Variants in LRPPRC observed in about 807,000 individuals in gnomAD.
The protein encoded by LRPPRC is leucine-rich PPR motif-containing protein, mitochondrial.
LRPPRC carries 120 observed loss-of-function variants against 180.3 expected under a neutral mutation model. The ratio of observed to expected loss-of-function variants is 0.67; its 90% confidence interval spans 0.57 to 0.77. The LOEUF is 0.77. Ranked by LOEUF, LRPPRC falls within the 30% of genes least tolerant of loss-of-function variation. LRPPRC has a pLI of 0.00. For missense variants in LRPPRC, 2,012 were observed against 1,657.2 expected, an observed-to-expected ratio of 1.21 and a Z score of -3.72; for synonymous variants, 723 against 600.0, an observed-to-expected ratio of 1.21 and a Z score of -3.00.
At position 43,899,345 on chromosome 2, in the gene LRPPRC, G is replaced by C. The variant is rs376514137; in HGVS notation, c.3710-11C>G. 5.0e-6 allele frequency: 8 copies of C among 1,610,082 alleles called. No homozygotes were observed. Among genetic ancestry groups the C allele is most frequent in the African/African-American group, 1.3e-5 (1 of 74,846 alleles). ...CCGCCATGATGCTTACTGGAAAAAT[G>C]ACAGGTAAGAAAAATCTTTCATTAG... On this transcript the variant is annotated splice_polypyrimidine_tract_variant and intron_variant, in intron 33 of 37. Transcript: ENST00000260665.
rs1248173863 is a variant in LRPPRC at position 43,889,738 on chromosome 2, G to C, written c.4124C>G (p.Pro1375Arg). The C allele has an allele frequency of 1.9e-6, 3 of 1,611,206 alleles. No individual in the cohort carries two copies. Among genetic ancestry groups the C allele is most frequent in the East Asian group, 2.2e-5 (1 of 44,860 alleles). ...YAGEPVPFIE[P>R]PESFEFYAQQ... ...CCTTAATTAAGAAATACTCACAGGG[G>C]GTTCAATGAAAGGGACAGGCTCTCC... Residue 1375 changes from proline to arginine, a missense_variant, in exon 37 of 38, where the codon CCC becomes CGC. Transcript: ENST00000260665.
chr2:43,988,078 A>C (rs1427907108), intron 1 of LRPPRC, among the ~76,000 whole-genome samples: 1 of 151,956 alleles, frequency 6.6e-6, no homozygotes, highest in African/African-American at 2.4e-5. Context: ...CATCTCTACT[A>C]AAAATACAAA....
chr2:43,995,306 G>A (rs945613906), intron 1 of LRPPRC, among the ~76,000 whole-genome samples: 8 of 152,206 alleles, frequency 5.3e-5, no homozygotes, highest in Admixed American at 1.3e-4. Flanking sequence ...CCAGCGTCCA[G>A]CTTTAAGTCA....
intron 7 of LRPPRC, 110 bp from the exon 8 acceptor site, chr2:43,974,868 G>A (rs1673980937): frequency 1.7e-6 from 2 of 1,144,910 alleles, no homozygotes; most frequent in Admixed American, 3.8e-5. Flanking sequence ...ACCACCTAAA[G>A]GTTTACGACT....
At chr2:43,976,794 T>C (rs1674075672) in intron 5 of LRPPRC, among the ~76,000 whole-genome samples, 200 bp downstream of exon 5, 1 of 151,828 alleles carries the variant, frequency 6.6e-6, no homozygotes, top group South Asian at 2.1e-4. Context: ...TTAATTAAAA[T>C]AGCAACTTTT....
intron 36 of LRPPRC, among the ~76,000 whole-genome samples, chr2:43,892,009 C>G (rs773879965): frequency 3.3e-5 from 5 of 152,210 alleles, no homozygotes; most frequent in Admixed American, 6.5e-5. Flanking sequence ...CCACAACATT[C>G]CCTTAAAAGC....
In LRPPRC at chr2:43,910,776, GAGTA is replaced by G. The variant is rs560055034; in HGVS notation, c.3275+1652_3275+1655del. 6.6e-5 allele frequency among the ~76,000 whole-genome samples: 10 copies of G among 152,040 alleles called. No homozygotes were observed. In the South Asian group the frequency reaches 1.7e-3, roughly 25 times the overall value. Reference sequence around the variant, plus strand: ...TGAGAGGAATCTTCTTATGCTACCAGAGTAAGTATCACTGTTCTAGAAGAAACCC... The same window carrying G: ...TGAGAGGAATCTTCTTATGCTACCAGAGTATCACTGTTCTAGAAGAAACCC... On this transcript the variant is annotated intron_variant, in intron 30 of 37. Coordinates refer to ENST00000260665, the MANE Select transcript of LRPPRC (RefSeq NM_133259.4).
chr2:43,959,517 GA>G, intron 13 of LRPPRC, among the ~76,000 whole-genome samples: 1 of 152,160 alleles, frequency 6.6e-6, no homozygotes, highest in Non-Finnish European at 1.5e-5. Context: ...GTTTGTAAAT[GA>G]CATATTTTTC....
intron 2 of LRPPRC, among the ~76,000 whole-genome samples, chr2:43,981,682 T>C (rs1489551057): frequency 6.6e-6 from 1 of 151,804 alleles, no homozygotes; most frequent in Non-Finnish European, 1.5e-5. Context: ...TCTAAAAATG[T>C]TTTAGTTACT....
In LRPPRC at chr2:43,995,851, G is replaced by A; in HGVS notation, c.97C>T (p.Arg33Trp). ...GGCAGATAGGAGGCGGCATGCAGCC[G>A]GCCCGGGCCGCCAGGGAGGAGGCGC... is the stretch of plus-strand genomic sequence containing the variant. ...SLRLLPGGPGRLHAASYLPAA... is the reference protein window; with the variant it reads ...SLRLLPGGPGWLHAASYLPAA... Residue 33 changes from arginine to tryptophan, a missense_variant, in exon 1 of 38, where the codon CGG becomes TGG. By Grantham distance (101) the Arg-to-Trp change is moderately radical. Transcript: ENST00000260665. 6.8e-7 allele frequency: 1 copy of A among 1,479,516 alleles called. No individual in the cohort carries two copies. Among genetic ancestry groups the A allele is most frequent in the Non-Finnish European group, 8.9e-7 (1 of 1,123,330 alleles). 91.6% of individuals were successfully genotyped at this position (1,479,516 alleles called of 1,614,324 possible). A position where few individuals can be genotyped will look rare whatever the true frequency, so the allele number is the denominator to read the frequency against.
At position 43,982,442 on chromosome 2, in the gene LRPPRC, A is replaced by G. The variant is rs2103746213; in HGVS notation, c.150-8T>C. 6.3e-7 allele frequency: 1 copy of G among 1,596,806 alleles called. No individual in the cohort carries two copies. Among genetic ancestry groups the G allele is most frequent in the Non-Finnish European group, 8.6e-7 (1 of 1,164,472 alleles). Reference sequence around the variant, plus strand: ...GCTGGGCTCAGTAGTCCTCTAAAAAATGAAACATAATTAATAATAATCAGT... The same window carrying G: ...GCTGGGCTCAGTAGTCCTCTAAAAAGTGAAACATAATTAATAATAATCAGT... On this transcript the variant is annotated splice_region_variant and splice_polypyrimidine_tract_variant and intron_variant, in intron 1 of 37. Coordinates refer to ENST00000260665, the MANE Select transcript of LRPPRC (RefSeq NM_133259.4).
Position 43,887,384 on chromosome 2 carries a change from G to A in LRPPRC, c.*1216C>T, listed in dbSNP as rs1051302600. On this transcript the variant is annotated 3_prime_UTR_variant, in exon 38 of 38. Coordinates refer to ENST00000260665, the MANE Select transcript of LRPPRC (RefSeq NM_133259.4). ...ATCAACCCTCCCTCACACCATCTGC[G>A]GGCAGGTAGCAGATGCAGGAGAGAG... 2.6e-5 allele frequency: 4 copies of A among 152,146 alleles called. No homozygotes were observed. The highest frequency in any genetic ancestry group is 3.9e-4 in the East Asian group (2 of 5,178). 9.4% of individuals were successfully genotyped at this position (152,146 alleles called of 1,614,324 possible).
chr2:43,915,342 C>T (rs1443871943), intron 29 of LRPPRC, among the ~76,000 whole-genome samples: 2 of 150,994 alleles, frequency 1.3e-5, no homozygotes, highest in African/African-American at 2.4e-5. Context: ...TTCAAAGATG[C>T]ATAGTGTGTA....
At chr2:43,956,174 C>CA (rs774836396) in intron 14 of LRPPRC, among the ~76,000 whole-genome samples, 2 of 149,820 alleles carry the variant, frequency 1.3e-5, no homozygotes, top group Non-Finnish European at 3.0e-5. Flanking sequence ...AAAAAACAAA[C>CA]AAAAAAGCTA....
rs528660807 is a variant in LRPPRC, at chr2:43,916,949, G to GAAA, written c.3148+1075_3148+1076insTTT. 2.7e-3 allele frequency among the ~76,000 whole-genome samples: 314 copies of GAAA among 115,738 alleles called. 10 individuals carry two copies. The highest frequency in any genetic ancestry group is 9.9e-3 in the African/African-American group (275 of 27,860). The allele number at this position is 115,738 out of a possible 152,430, so 75.9% of individuals were successfully genotyped here. ...GACAGAGTGAGACCTGTCTCCGGGG[G>GAAA]GAAAAAAAAAAAAAAAAAAAGAATA... On this transcript the variant is annotated intron_variant, in intron 29 of 37. Coordinates refer to ENST00000260665, the MANE Select transcript of LRPPRC (RefSeq NM_133259.4).
chr2:43,934,293 A>G lies in LRPPRC; in HGVS notation c.2633T>C (p.Met878Thr), dbSNP rs1558965997. The change falls in exon 25 of 38, where the codon ATG becomes ACG. Residue 878 changes from methionine to threonine, a missense_variant. Transcript: ENST00000260665. Reference protein sequence around the residue: ...KGETDLIQKAMDFVSQEQGEM... With the variant: ...KGETDLIQKATDFVSQEQGEM... ...ACCTTGTTCTTGGCTCACAAAGTCC[A>G]TTGCTAGGTAGGAGAGAAAAAAATA... The G allele has an allele frequency of 2.0e-6, 3 of 1,527,554 alleles. No homozygotes were observed. Among genetic ancestry groups the G allele is most frequent in the Non-Finnish European group, 2.7e-6 (3 of 1,101,906 alleles). The allele number at this position is 1,527,554 out of a possible 1,614,324, so 94.6% of individuals were successfully genotyped here.
chr2:43,898,898 TTATC>T (rs1670788491), intron 34 of LRPPRC, among the ~76,000 whole-genome samples: 1 of 152,188 alleles, frequency 6.6e-6, no homozygotes, highest in Admixed American at 6.5e-5. Context: ...TTGTTTTGCA[TTATC>T]TATCTGCACA....
chr2:43,977,298 A>C (rs1383154553), intron 3 of LRPPRC, 22 bp from the exon 4 acceptor site: 3 of 1,585,172 alleles, frequency 1.9e-6, no homozygotes, highest in Non-Finnish European at 2.6e-6. Flanking sequence ...ATTTAAAATG[A>C]ATTTTTAGAA....
At chr2:43,956,343 G>C (rs1490073087) in intron 14 of LRPPRC, among the ~76,000 whole-genome samples, 1 of 152,188 alleles carries the variant, frequency 6.6e-6, no homozygotes, top group Non-Finnish European at 1.5e-5. Context: ...TGGTGGTACA[G>C]TATTGTTAAT....
Sources: allele counts gnomAD v4.1 joint callset (sites outside exome capture counted in the v4.1 genomes callset), GRCh38; gene constraint gnomAD v4.1.1; transcripts MANE v1.5; gene names NCBI Gene and HGNC (gene_info 2026-07-23, HGNC 2026-07-21).